Variants in FOXN3 observed in about 807,000 individuals in gnomAD.
FOXN3 encodes the protein forkhead box protein N3.
A neutral mutation model predicts 38.4 loss-of-function variants in FOXN3; 7 were observed. That is an observed-to-expected ratio of 0.18 (90% confidence interval 0.10 to 0.34). The LOEUF (loss-of-function observed/expected upper bound fraction) is 0.34, where lower values mean the gene tolerates loss of function less well. Among genes scored for constraint, FOXN3 ranks in the 10% least tolerant of loss-of-function variants. FOXN3 has a pLI of 1.00. For synonymous variants in FOXN3, 230 were observed against 242.2 expected (o/e 0.95, Z 0.47); for missense variants, 456 against 613.4 (o/e 0.74, Z 2.71).
intron 3 of FOXN3, among the ~76,000 whole-genome samples, chr14:89,331,566 T>C (rs1234405114): frequency 1.3e-5 from 2 of 152,192 alleles, no homozygotes; most frequent in Admixed American, 6.5e-5. Context: ...TCAGACTCAA[T>C]CTGTTACTAA....
chr14:89,614,278 T>C (rs1305538274), intron 1 of FOXN3, among the ~76,000 whole-genome samples: 1 of 152,196 alleles, frequency 6.6e-6, no homozygotes, highest in Non-Finnish European at 1.5e-5. Context: ...AATAAAGCCA[T>C]GCATTTCCAG....
At chr14:89,523,168 A>G (rs1894357040) in intron 1 of FOXN3, among the ~76,000 whole-genome samples, 1 of 152,198 alleles carries the variant, frequency 6.6e-6, no homozygotes, top group Non-Finnish European at 1.5e-5. Context: ...AGAACATAAC[A>G]ACCCTAAATG....
chr14:89,437,476 C>A (rs1892296426), intron 1 of FOXN3, among the ~76,000 whole-genome samples: 1 of 152,140 alleles, frequency 6.6e-6, no homozygotes, highest in Non-Finnish European at 1.5e-5. Flanking sequence ...GTGGTCATGT[C>A]AGAGGCGTGT....
At chr14:89,457,868 G>T (rs1015705772) in intron 1 of FOXN3, among the ~76,000 whole-genome samples, 2 of 152,024 alleles carry the variant, frequency 1.3e-5, no homozygotes, top group Non-Finnish European at 2.9e-5. Context: ...GAAAAAATCA[G>T]CTGGGCGTGG....
At chr14:89,244,959 G>GA (rs1196721990) in intron 4 of FOXN3, among the ~76,000 whole-genome samples, 1 of 152,148 alleles carries the variant, frequency 6.6e-6, no homozygotes, top group Non-Finnish European at 1.5e-5. Context: ...GAATGAAGAA[G>GA]AAAGTCCCTG....
chr14:89,157,694 G>C lies in FOXN3; in HGVS notation c.*4720C>G, dbSNP rs1314657784. ...GAGTTTGGCAGGTAACTAAAAGAGG[G>C]TTATCACTTAGGTTATATAGCAAAA... On this transcript the variant is annotated 3_prime_UTR_variant, in exon 6 of 6. Transcript: ENST00000557258. 6.6e-6 allele frequency: 1 copy of C among 152,560 alleles called. No individual in the cohort carries two copies. The highest frequency in any genetic ancestry group is 2.4e-5 in the African/African-American group (1 of 41,426). The allele number at this position is 152,560 out of a possible 1,614,324, so 9.5% of individuals were successfully genotyped here.
chr14:89,584,753 C>T (rs184431772), intron 1 of FOXN3, among the ~76,000 whole-genome samples: 22 of 151,992 alleles, frequency 1.4e-4, no homozygotes, highest in Admixed American at 1.4e-3. Context: ...CACTCTGTCG[C>T]CCAGGCTGGA....
chr14:89,267,669 T>C, intron 4 of FOXN3, among the ~76,000 whole-genome samples: 1 of 152,216 alleles, frequency 6.6e-6, no homozygotes, highest in Non-Finnish European at 1.5e-5. Context: ...ACTTGCTAGT[T>C]CCCAACTTAA....
intron 3 of FOXN3, among the ~76,000 whole-genome samples, chr14:89,318,989 C>A (rs1887821212): frequency 6.6e-6 from 1 of 152,162 alleles, no homozygotes; most frequent in Non-Finnish European, 1.5e-5. Flanking sequence ...GTGCTGAGGG[C>A]CCAGACTGGG....
At chr14:89,450,233 C>T (rs1244998468) in intron 1 of FOXN3, among the ~76,000 whole-genome samples, 1 of 152,190 alleles carries the variant, frequency 6.6e-6, no homozygotes, top group African/African-American at 2.4e-5. Flanking sequence ...GTTGTTGTAC[C>T]TGAATCTCTG....
intron 1 of FOXN3, among the ~76,000 whole-genome samples, chr14:89,544,681 CA>C (rs1894852409): frequency 6.6e-6 from 1 of 152,178 alleles, no homozygotes; most frequent in African/African-American, 2.4e-5. Context: ...CTAAGACCCC[CA>C]GTGGATCCCT....
intron 3 of FOXN3, among the ~76,000 whole-genome samples, chr14:89,337,498 AC>A (rs1313308189): frequency 6.6e-6 from 1 of 152,148 alleles, no homozygotes; most frequent in Non-Finnish European, 1.5e-5. Flanking sequence ...CCGGCGCCTT[AC>A]CTTTCAAGTG....
intron 4 of FOXN3, among the ~76,000 whole-genome samples, chr14:89,271,322 C>T (rs1023031709): frequency 6.6e-5 from 10 of 152,174 alleles, no homozygotes; most frequent in Admixed American, 5.9e-4. Context: ...AACAGAATTT[C>T]AAGGGGAATG....
chr14:89,510,890 C>CTGCAG (rs1463470023), intron 1 of FOXN3, among the ~76,000 whole-genome samples: 4 of 152,136 alleles, frequency 2.6e-5, no homozygotes, highest in Non-Finnish European at 5.9e-5. Context: ...TTGCAGTGAG[C>CTGCAG]TGAGATCACA....
At chr14:89,325,262 CCACCAT>C (rs1412880477) in intron 3 of FOXN3, among the ~76,000 whole-genome samples, 2 of 147,868 alleles carry the variant, frequency 1.4e-5, no homozygotes, top group African/African-American at 2.5e-5. Context: ...ACCACCACCA[CCACCAT>C]CACCAACACC....
intron 2 of FOXN3, among the ~76,000 whole-genome samples, chr14:89,405,850 T>C (rs1891373929): frequency 1.3e-5 from 2 of 152,164 alleles, no homozygotes; most frequent in South Asian, 4.1e-4. Flanking sequence ...ATGTCTGCTA[T>C]ACTGAGAAGG....
At chr14:89,165,692 T>C (rs1278876638) in intron 5 of FOXN3, among the ~76,000 whole-genome samples, 1 of 152,218 alleles carries the variant, frequency 6.6e-6, no homozygotes, top group Non-Finnish European at 1.5e-5. Flanking sequence ...TTGGTAAATG[T>C]AATTAATCAT....
chr14:89,466,870 T>G (rs10136890), intron 1 of FOXN3, among the ~76,000 whole-genome samples: 4,859 of 152,282 alleles, frequency 0.032, 248 homozygotes, highest in African/African-American at 0.11. Flanking sequence ...GGGGGCACAC[T>G]GCTTTCATTA....
Position 89,325,962 on chromosome 14 carries a change from A to G in FOXN3, c.680+24710T>C, listed in dbSNP as rs371772090. ...CACTGAAAACAGCTCCATCTAAGAC[A>G]TTAATCATGGGGAATTATTAGAGAC... On this transcript the variant is annotated intron_variant, in intron 3 of 5. Coordinates refer to ENST00000557258, the MANE Select transcript of FOXN3 (RefSeq NM_005197.4). Among the ~76,000 whole-genome samples, 17 of 152,254 alleles carry G rather than the reference A, an allele frequency of 1.1e-4. No individual in the cohort carries two copies. In the East Asian group the frequency reaches 1.5e-3, roughly 14 times the overall value.
Sources: allele counts gnomAD v4.1 joint callset (sites outside exome capture counted in the v4.1 genomes callset), GRCh38; gene constraint gnomAD v4.1.1; transcripts MANE v1.5; gene names NCBI Gene and HGNC (gene_info 2026-07-23, HGNC 2026-07-21).